The following CHST11 variants were observed in gnomAD, a reference collection of about 807,000 sequenced individuals.
The protein encoded by CHST11 is carbohydrate sulfotransferase 11.
In CHST11, 9 loss-of-function variants were observed where a neutral mutation model predicts 30.4. The ratio of observed to expected loss-of-function variants is 0.30; its 90% CI spans 0.18 to 0.52. CHST11 has a LOEUF of 0.52. Among genes scored for constraint, CHST11 ranks in the 20% least tolerant of loss-of-function variants. CHST11 has a pLI of 0.97. For missense variants in CHST11, 348 were observed against 460.6 expected, an observed-to-expected ratio of 0.76 and a Z score of 2.24; for synonymous variants, 152 against 187.8, an observed-to-expected ratio of 0.81 and a Z score of 1.56.
intron 1 of CHST11, among the ~76,000 whole-genome samples, chr12:104,531,314 C>A (rs2038181092): frequency 6.6e-6 from 1 of 151,922 alleles, no homozygotes; most frequent in Non-Finnish European, 1.5e-5. Flanking sequence ...CATAGTGGGA[C>A]CTTGCCTTTA....
intron 1 of CHST11, among the ~76,000 whole-genome samples, chr12:104,538,292 C>A (rs2038256833): frequency 6.6e-6 from 1 of 152,162 alleles, no homozygotes; most frequent in Admixed American, 6.5e-5. Flanking sequence ...ATGTTTTTCT[C>A]ATGAATTGAC....
intron 2 of CHST11, among the ~76,000 whole-genome samples, chr12:104,640,603 G>A (rs2039367288): frequency 6.6e-6 from 1 of 152,176 alleles, no homozygotes; most frequent in Non-Finnish European, 1.5e-5. Flanking sequence ...CAGGAGGTGG[G>A]GAGAGGGATG....
intron 2 of CHST11, among the ~76,000 whole-genome samples, chr12:104,623,347 C>A (rs899745446): frequency 6.6e-6 from 1 of 152,162 alleles, no homozygotes; most frequent in African/African-American, 2.4e-5. Flanking sequence ...TGTAAAGTAC[C>A]GTGCCTGATT....
chr12:104,633,758 G>A (rs2039296275), intron 2 of CHST11, among the ~76,000 whole-genome samples: 1 of 151,952 alleles, frequency 6.6e-6, no homozygotes, highest in Non-Finnish European at 1.5e-5. Flanking sequence ...TTATTTTTTA[G>A]TCAGGCTTCA....
chr12:104,714,959 C>A (rs1221678525), intron 2 of CHST11, among the ~76,000 whole-genome samples: 1 of 152,188 alleles, frequency 6.6e-6, no homozygotes, highest in Non-Finnish European at 1.5e-5. Context: ...TAGCTGACCT[C>A]GAGGCAGAGC....
Position 104,610,009 on chromosome 12 carries a change from C to A in CHST11, c.204+8018C>A, listed in dbSNP as rs149569983. On this transcript the variant is annotated intron_variant, in intron 2 of 2. Coordinates refer to ENST00000303694, the MANE Select transcript of CHST11 (RefSeq NM_018413.6). ...AGCAGAGTCTGTATTGATCAGCAAG[C>A]TTGACGCACTGATTTATAAAGCCAT... 3.5e-3 allele frequency among the ~76,000 whole-genome samples: 524 copies of A among 150,520 alleles called. 6 individuals are homozygous for A. The highest frequency in any genetic ancestry group is 0.012 in the African/African-American group (476 of 40,792).
At chr12:104,475,753 C>CA (rs1249678320) in intron 1 of CHST11, among the ~76,000 whole-genome samples, 17 of 131,876 alleles carry the variant, frequency 1.3e-4, no homozygotes, top group Admixed American at 2.6e-4. Context: ...AACTTACTTC[C>CA]AAAAAAAGTT....
intron 1 of CHST11, among the ~76,000 whole-genome samples, chr12:104,564,901 C>G (rs756836589): frequency 6.6e-6 from 1 of 152,020 alleles, no homozygotes; most frequent in African/African-American, 2.4e-5. Context: ...GGGGAACTGC[C>G]CTTTATGAAA....
intron 2 of CHST11, among the ~76,000 whole-genome samples, chr12:104,672,204 G>T (rs1251797138): frequency 6.6e-6 from 1 of 151,996 alleles, no homozygotes; most frequent in East Asian, 1.9e-4. Context: ...GACCTGTCTG[G>T]CCTGCACAGG....
Position 104,671,164 on chromosome 12 carries a change from T to A in CHST11, c.204+69173T>A, listed in dbSNP as rs140218814. On this transcript the variant is annotated intron_variant, in intron 2 of 2. Coordinates refer to ENST00000303694, the MANE Select transcript of CHST11 (RefSeq NM_018413.6). ...GAGCAGATGACCTTTTCCTTTTAGC[T>A]GACAGCTAGTCTGCTGGCCATGGGC... Among the ~76,000 whole-genome samples, 3 of 152,340 alleles carry A rather than the reference T, an allele frequency of 2.0e-5. No homozygotes were observed. In the East Asian group the frequency reaches 5.8e-4, roughly 29 times the overall value.
chr12:104,587,906 T>C (rs1261670006), intron 1 of CHST11, among the ~76,000 whole-genome samples: 1 of 144,136 alleles, frequency 6.9e-6, no homozygotes, highest in Admixed American at 7.0e-5. Flanking sequence ...TTAGGTTTTT[T>C]AAAATGCTCT....
chr12:104,698,668 A>C (rs141874623), intron 2 of CHST11, among the ~76,000 whole-genome samples: 57 of 152,318 alleles, frequency 3.7e-4, no homozygotes, highest in African/African-American at 1.3e-3. Flanking sequence ...GCTACCACTC[A>C]ACTGTCTGTT....
At chr12:104,517,274 C>A (rs1358996266) in intron 1 of CHST11, among the ~76,000 whole-genome samples, 3 of 152,182 alleles carry the variant, frequency 2.0e-5, no homozygotes, top group African/African-American at 7.2e-5. Context: ...TCCTCAGAGC[C>A]TTTTATTGCA....
At chr12:104,492,811 A>G (rs964957794) in intron 1 of CHST11, among the ~76,000 whole-genome samples, 5 of 152,308 alleles carry the variant, frequency 3.3e-5, no homozygotes. Flanking sequence ...AGGCGGGCAG[A>G]TCACGAGGTC....
At chr12:104,708,864 C>A (rs1376386206) in intron 2 of CHST11, among the ~76,000 whole-genome samples, 1 of 152,218 alleles carries the variant, frequency 6.6e-6, no homozygotes, top group Non-Finnish European at 1.5e-5. Flanking sequence ...CCCTCGGGTG[C>A]CCCAGTGAGC....
chr12:104,688,196 T>C (rs1438089729), intron 2 of CHST11, among the ~76,000 whole-genome samples: 2 of 152,182 alleles, frequency 1.3e-5, no homozygotes, highest in African/African-American at 4.8e-5. Context: ...CAGGTGACTG[T>C]TGCTGTGGGA....
chr12:104,606,117 G>T (rs1157115552), intron 2 of CHST11, among the ~76,000 whole-genome samples: 2 of 132,608 alleles, frequency 1.5e-5, no homozygotes, highest in Non-Finnish European at 3.1e-5. Context: ...GGTCTCTGAG[G>T]ACCAAACAGT....
intron 1 of CHST11, 102 bp from the exon 2 acceptor site, chr12:104,601,804 T>A: frequency 1.1e-6 from 1 of 894,138 alleles, no homozygotes; most frequent in Non-Finnish European, 1.8e-6. Flanking sequence ...GTTTTCTCTT[T>A]CTTTCCTGCC....
chr12:104,569,054 T>C (rs755221319), intron 1 of CHST11, among the ~76,000 whole-genome samples: 6 of 152,154 alleles, frequency 3.9e-5, no homozygotes, highest in Non-Finnish European at 8.8e-5. Context: ...GTAAGTATTA[T>C]TATTTTCATC....
Sources: gnomAD v4.1 joint callset for allele counts (sites outside exome capture counted in the v4.1 genomes callset) on GRCh38, gnomAD v4.1.1 for gene constraint, MANE v1.5 for transcripts, NCBI Gene and HGNC (gene_info 2026-07-23, HGNC 2026-07-21) for gene names.